MMUT: variants seen among roughly 807,000 people sequenced by gnomAD.
MMUT encodes the protein methylmalonyl-CoA mutase, also known as methylmalonyl-CoA mutase, mitochondrial.
A neutral mutation model predicts 79.9 loss-of-function variants in MMUT; 79 were observed. The observed-to-expected ratio is 0.99, with a 90% confidence interval of 0.82 to 1.19. The LOEUF (loss-of-function observed/expected upper bound fraction) is 1.19, where lower values mean the gene tolerates loss of function less well. Among genes scored for constraint, MMUT ranks in the 50% most tolerant of loss-of-function variants. The pLI is 0.00. For synonymous variants in MMUT, 273 were observed against 295.7 expected, an observed-to-expected ratio of 0.92 and a Z score of 0.79; for missense variants, 860 against 917.2, an observed-to-expected ratio of 0.94 and a Z score of 0.81.
chr6:49,452,683 T>C (rs552087967), intron 5 of MMUT, among the ~76,000 whole-genome samples: 2 of 152,318 alleles, frequency 1.3e-5, no homozygotes, highest in African/African-American at 4.8e-5. Context: ...CAGAGTATAA[T>C]AGTTATTATT....
intron 12 of MMUT, among the ~76,000 whole-genome samples, chr6:49,433,058 A>C (rs1767028007): frequency 6.6e-6 from 1 of 152,190 alleles, no homozygotes; most frequent in Non-Finnish European, 1.5e-5. Flanking sequence ...GTCTCCTTCT[A>C]GTCTGTGAAA....
intron 2 of MMUT, among the ~76,000 whole-genome samples, chr6:49,458,613 C>A (rs970488825): frequency 1.3e-5 from 2 of 152,122 alleles, no homozygotes; most frequent in African/African-American, 4.8e-5. Context: ...GTTTAGTATT[C>A]AAACAGTACA....
intron 9 of MMUT, chr6:49,443,830 G>A (rs746524964): frequency 1.5e-4 from 64 of 432,540 alleles, no homozygotes; most frequent in Middle Eastern, 6.7e-4. Context: ...GATATAACAT[G>A]AGATTAGATT....
At chr6:49,444,556 C>T in intron 9 of MMUT, 83 bp downstream of exon 9, 1 of 1,099,610 alleles carries the variant, frequency 9.1e-7, no homozygotes, top group Non-Finnish European at 1.4e-6. Flanking sequence ...TTTACAGGAT[C>T]AACCTTTTAT....
chr6:49,448,991 TTTG>T, intron 6 of MMUT, 64 bp from the exon 7 acceptor site: 3 of 1,048,046 alleles, frequency 2.9e-6, no homozygotes, highest in Non-Finnish European at 4.4e-6. Context: ...ACTATATAAA[TTTG>T]TTATGAGTGT....
At chr6:49,433,366 T>C (rs1767036741) in intron 12 of MMUT, among the ~76,000 whole-genome samples, 1 of 152,220 alleles carries the variant, frequency 6.6e-6, no homozygotes, top group Admixed American at 6.5e-5. Context: ...AAAGGGTATG[T>C]GACTTATCTA....
At chr6:49,450,425 C>A (rs764975667) in intron 6 of MMUT, among the ~76,000 whole-genome samples, 2 of 151,504 alleles carry the variant, frequency 1.3e-5, no homozygotes, top group African/African-American at 2.4e-5. Context: ...GAAAAAGACC[C>A]AATAAAGGTT....
At chr6:49,432,418 C>T (rs1046743036) in intron 12 of MMUT, among the ~76,000 whole-genome samples, 3 of 151,672 alleles carry the variant, frequency 2.0e-5, no homozygotes, top group Non-Finnish European at 2.9e-5. Flanking sequence ...GATGGAGTCT[C>T]GCTCTGTTGC....
chr6:49,451,482 T>C lies in MMUT; in HGVS notation c.1316A>G (p.Tyr439Cys), dbSNP rs1188399613. The change falls in exon 6 of 13, where the codon TAT becomes TGT. Residue 439 changes from tyrosine (Y) to cysteine (C), a missense_variant. Transcript: ENST00000274813. The part of the protein sequence containing the change: ...YMMECLTNDV[Y>C]DAALKLINEI... The stretch of plus-strand genomic sequence containing the variant: ...AAAACTTACCTTTAAAGCAGCATCA[T>C]AAACATCATTTGTGAGACATTCCAT... 3.1e-6 allele frequency: 5 copies of C among 1,614,092 alleles called. No homozygotes were observed. Among genetic ancestry groups the C allele is most frequent in the Middle Eastern group, 1.7e-4 (1 of 6,060 alleles).
At position 49,443,039 on chromosome 6, in the gene MMUT, C is replaced by T. The variant is rs1367232675; in HGVS notation, c.1677-1068G>A. 3.3e-5 allele frequency among the ~76,000 whole-genome samples: 5 copies of T among 152,130 alleles called. No individual in the cohort carries two copies. The South Asian group carries it at 1.0e-3, about 32-fold the overall frequency. The stretch of plus-strand genomic sequence containing the variant: ...AAAGCAACATATTTTTTTAAAACTT[C>T]ATTATATTAAGAAATAAACACTTAA... On this transcript the variant is annotated intron_variant, in intron 9 of 12. Coordinates refer to ENST00000274813, the MANE Select transcript of MMUT (RefSeq NM_000255.4).
At chr6:49,433,577 T>C (rs1437481836) in intron 12 of MMUT, among the ~76,000 whole-genome samples, 1 of 152,096 alleles carries the variant, frequency 6.6e-6, no homozygotes, top group Non-Finnish European at 1.5e-5. Context: ...GCATTGTGAG[T>C]CTACTCAACT....
intron 1 of MMUT, 103 bp from the exon 2 acceptor site, chr6:49,459,608 T>C (rs892909132): frequency 4.3e-6 from 4 of 935,476 alleles, no homozygotes; most frequent in Non-Finnish European, 6.3e-6. Flanking sequence ...ATTAGTCTGA[T>C]TTCATTTCTT....
intron 6 of MMUT, among the ~76,000 whole-genome samples, chr6:49,450,102 G>A (rs1179879313): frequency 6.6e-6 from 1 of 151,700 alleles, no homozygotes; most frequent in African/African-American, 2.4e-5. Flanking sequence ...GTGGTGGTGT[G>A]TGCCTGTAAT....
At position 49,456,076 on chromosome 6, in the gene MMUT, T is replaced by C; in HGVS notation, c.911+4A>G. 1.2e-6 allele frequency: 2 copies of C among 1,609,990 alleles called. No individual in the cohort carries two copies. The highest frequency in any genetic ancestry group is 1.7e-6 in the Non-Finnish European group (2 of 1,176,308). On this transcript the variant is annotated splice_donor_region_variant and intron_variant, in intron 4 of 12. Transcript: ENST00000274813. ...GAAACAATATCTAGGTTTAATTTAC[T>C]CACCTTGGTGCAAATTCATCAATTG...
intron 12 of MMUT, among the ~76,000 whole-genome samples, chr6:49,433,349 A>G (rs925182872): frequency 1.3e-5 from 2 of 152,204 alleles, no homozygotes; most frequent in Non-Finnish European, 2.9e-5. Flanking sequence ...AGATGTTGCA[A>G]CTGAAAAAAG....
intron 12 of MMUT, 63 bp from the exon 13 acceptor site, chr6:49,431,919 C>T (rs1476235522): frequency 6.4e-7 from 1 of 1,556,300 alleles, no homozygotes; most frequent in African/African-American, 1.4e-5. Flanking sequence ...AAATAAAACC[C>T]TATCCTTTCT....
At chr6:49,449,204 T>G (rs1440672111) in intron 6 of MMUT, among the ~76,000 whole-genome samples, 1 of 152,124 alleles carries the variant, frequency 6.6e-6, no homozygotes, top group African/African-American at 2.4e-5. Flanking sequence ...TCTCTAATCT[T>G]TATTTTTAGG....
At chr6:49,445,911 C>T (rs1346126071) in intron 8 of MMUT, among the ~76,000 whole-genome samples, 6 of 151,820 alleles carry the variant, frequency 4.0e-5, no homozygotes, top group Non-Finnish European at 1.5e-5. Context: ...TAAACACATA[C>T]AATTTAAGAG....
chr6:49,447,711 T>C lies in MMUT; in HGVS notation c.1519A>G (p.Asn507Asp), dbSNP rs769270504. Residue 507 changes from asparagine (N) to aspartate (D), a missense_variant, in exon 8 of 13, where the codon AAT becomes GAT. Physicochemically the swap from Asn to Asp is conservative, Grantham distance 23. Transcript: ENST00000274813. ...EDAVEVLAID[N>D]TSVRNRQIEK... is the part of the protein sequence containing the mutation. ...ATCTGCCTGTTTCGCACTGAAGTAT[T>C]ATCAATTGCCAGAACTTCTACAGCG... The C allele has an allele frequency of 1.5e-5, 24 of 1,611,936 alleles. No homozygotes were observed. Among genetic ancestry groups the C allele is most frequent in the Admixed American group, 5.0e-5 (3 of 59,934 alleles).
Sources: allele counts gnomAD v4.1 joint callset (sites outside exome capture counted in the v4.1 genomes callset), GRCh38; gene constraint gnomAD v4.1.1; transcripts MANE v1.5; gene names NCBI Gene and HGNC (gene_info 2026-07-23, HGNC 2026-07-21).